Variants in OPCML observed in about 807,000 individuals in gnomAD.
OPCML encodes the protein opioid binding protein/cell adhesion molecule like.
In OPCML, 13 loss-of-function variants were observed where a neutral mutation model predicts 37.8. That is an observed-to-expected ratio of 0.34 (90% CI 0.22 to 0.55). The LOEUF is 0.55. OPCML is among the 20% of genes least tolerant of loss of function. OPCML has a pLI of 0.91. For synonymous variants in OPCML, 176 were observed against 168.8 expected (o/e 1.04, Z -0.33); for missense variants, 341 against 435.6 (o/e 0.78, Z 1.93).
intron 1 of OPCML, chr11:133,299,796 C>G (rs1354691307): frequency 6.6e-6 from 1 of 152,012 alleles, no homozygotes; most frequent in Non-Finnish European, 1.5e-5. Flanking sequence ...CCATACTTGT[C>G]TGTGATGAAG....
chr11:132,941,634 G>A (rs1565356303), intron 2 of OPCML, among the ~76,000 whole-genome samples: 1 of 152,204 alleles, frequency 6.6e-6, no homozygotes, highest in Non-Finnish European at 1.5e-5. Flanking sequence ...ACATGGCCAG[G>A]AGGACTTTTC....
chr11:132,663,775 T>C (rs1202845771), intron 2 of OPCML, among the ~76,000 whole-genome samples: 1 of 152,218 alleles, frequency 6.6e-6, no homozygotes, highest in Non-Finnish European at 1.5e-5. Context: ...CTTACAGCAG[T>C]CAGTGCCACA....
intron 1 of OPCML, chr11:133,008,753 A>G (rs911678509): frequency 8.4e-6 from 3 of 357,940 alleles, no homozygotes; most frequent in Non-Finnish European, 1.2e-5. Flanking sequence ...AACAATGTCC[A>G]CTATTCCTTT....
intron 1 of OPCML, among the ~76,000 whole-genome samples, chr11:133,366,651 C>CA (rs531489809): frequency 1.9e-4 from 28 of 150,570 alleles, no homozygotes; most frequent in African/African-American, 3.9e-4. Context: ...GAATTAATCT[C>CA]AAAAAAAAAG....
chr11:133,355,120 G>A (rs1473020676), intron 1 of OPCML, among the ~76,000 whole-genome samples: 1 of 152,144 alleles, frequency 6.6e-6, no homozygotes. Flanking sequence ...CAAGGTTAAG[G>A]GCTTTCAGTT....
chr11:133,232,127 C>A (rs139457566), intron 1 of OPCML, among the ~76,000 whole-genome samples: 4 of 152,306 alleles, frequency 2.6e-5, no homozygotes, highest in Non-Finnish European at 5.9e-5. Context: ...GCCCCCATAG[C>A]AGAAGGCATG....
chr11:133,214,059 C>G (rs561417781), intron 1 of OPCML, among the ~76,000 whole-genome samples: 4 of 152,114 alleles, frequency 2.6e-5, no homozygotes, highest in African/African-American at 7.2e-5. Context: ...TTATAATATA[C>G]AATCTTTCCT....
At chr11:133,280,504 C>T (rs576119420) in intron 1 of OPCML, among the ~76,000 whole-genome samples, 7 of 152,296 alleles carry the variant, frequency 4.6e-5, no homozygotes, top group South Asian at 2.1e-4. Context: ...CTGCCCTCCC[C>T]ATTTTAAATT....
At chr11:133,514,470 T>C (rs1308048876) in intron 1 of OPCML, among the ~76,000 whole-genome samples, 1 of 152,150 alleles carries the variant, frequency 6.6e-6, no homozygotes, top group Non-Finnish European at 1.5e-5. Flanking sequence ...TCGTCTGGAG[T>C]GCTTGGCATC....
At chr11:132,486,010 A>G (rs1473684447) in intron 4 of OPCML, among the ~76,000 whole-genome samples, 2 of 152,240 alleles carry the variant, frequency 1.3e-5, no homozygotes, top group African/African-American at 2.4e-5. Flanking sequence ...TGCAGTGATT[A>G]TCAACTTACA....
intron 3 of OPCML, among the ~76,000 whole-genome samples, chr11:132,577,024 TG>T (rs1453497516): frequency 3.3e-5 from 5 of 152,178 alleles, no homozygotes; most frequent in Non-Finnish European, 7.4e-5. Context: ...TTATCTCCCT[TG>T]GGTCTCTTCC....
In OPCML at chr11:132,650,678, C is replaced by T. The variant is rs553916719; in HGVS notation, c.379+6409G>A. On this transcript the variant is annotated intron_variant, in intron 3 of 7. Transcript: ENST00000524381. ...TAAATAAATTACTCTGAATTCTACT[C>T]TTCACCCCATGTTAATAAGCCAGGA... 7.2e-5 allele frequency among the ~76,000 whole-genome samples: 11 copies of T among 152,268 alleles called. No homozygotes were observed. In the South Asian group the frequency reaches 2.3e-3, roughly 32 times the overall value.
intron 1 of OPCML, chr11:133,004,993 T>C (rs1947078822): frequency 2.0e-6 from 2 of 985,336 alleles, no homozygotes; most frequent in Non-Finnish European, 2.4e-6. Flanking sequence ...ACTGCTGCAC[T>C]CTTACTCCTC....
chr11:133,207,321 A>G (rs954266380), intron 1 of OPCML, among the ~76,000 whole-genome samples: 2 of 151,954 alleles, frequency 1.3e-5, no homozygotes, highest in Non-Finnish European at 2.9e-5. Context: ...ACAAACAAAC[A>G]AAAAAGAGAA....
chr11:133,427,632 T>TCATAAGAAAATGCTACATA (rs1346529197), intron 1 of OPCML, among the ~76,000 whole-genome samples: 1 of 151,762 alleles, frequency 6.6e-6, no homozygotes, highest in Non-Finnish European at 1.5e-5. Flanking sequence ...ATTCTTTAAA[T>TCATAAGAAAATGCTACATA]CATAAGAAAA....
intron 2 of OPCML, among the ~76,000 whole-genome samples, chr11:132,711,238 C>T (rs374565301): frequency 3.3e-5 from 5 of 152,086 alleles, no homozygotes; most frequent in African/African-American, 4.8e-5. Context: ...TATGGTTCTC[C>T]GCAAGCGAGG....
At chr11:132,674,526 G>A (rs1213371072) in intron 2 of OPCML, among the ~76,000 whole-genome samples, 1 of 152,184 alleles carries the variant, frequency 6.6e-6, no homozygotes, top group Non-Finnish European at 1.5e-5. Flanking sequence ...GTCACCCAAA[G>A]TCTATGTGCA....
At position 132,629,449 on chromosome 11, in the gene OPCML, C is replaced by T. The variant is rs111829541; in HGVS notation, c.379+27638G>A. Among the ~76,000 whole-genome samples the T allele has an allele frequency of 3.9e-3, 589 of 152,154 alleles. 6 individuals are homozygous for T. Among genetic ancestry groups the T allele is most frequent in the African/African-American group, 0.013 (545 of 41,512 alleles). ...ACACAGACATGACCTTAGCTATGAT[C>T]GGCTAATTTACATATAATCTTCAGT... On this transcript the variant is annotated intron_variant, in intron 3 of 7. Transcript: ENST00000524381.
At chr11:133,141,048 C>CGACGAAGACGAAGAAGAAGAAGAAGAA in intron 1 of OPCML, among the ~76,000 whole-genome samples, 1 of 5,790 alleles carries the variant, frequency 1.7e-4, no homozygotes, top group African/African-American at 3.2e-4. Flanking sequence ...ACGACGACGA[C>CGACGAAGACGAAGAAGAAGAAGAAGAA]GAAGAAGAAG....
Sources: allele counts gnomAD v4.1 joint callset (sites outside exome capture counted in the v4.1 genomes callset), GRCh38; gene constraint gnomAD v4.1.1; transcripts MANE v1.5; gene names NCBI Gene and HGNC (gene_info 2026-07-23, HGNC 2026-07-21).